The following ZNF804A variants were observed in gnomAD, a reference collection of about 807,000 sequenced individuals.
ZNF804A encodes the protein zinc finger protein 804A.
Under a neutral mutation model 16.5 loss-of-function variants are expected in ZNF804A, and 2 were observed. The ratio of observed to expected loss-of-function variants is 0.12; its 90% CI spans 0.05 to 0.38. The LOEUF is 0.38. ZNF804A is among the 10% of genes least tolerant of loss of function. The pLI is 0.99. For missense variants in ZNF804A, 1,473 were observed against 1,390.7 expected (o/e 1.06, Z -0.94); for synonymous variants, 534 against 489.6 (o/e 1.09, Z -1.20).
At chr2:184,689,557 A>G (rs909077156) in intron 1 of ZNF804A, among the ~76,000 whole-genome samples, 1 of 152,102 alleles carries the variant, frequency 6.6e-6, no homozygotes, top group Non-Finnish European at 1.5e-5. Context: ...TTAAGAAGAT[A>G]AGAATAATTT....
At chr2:184,649,580 A>G (rs1691946752) in intron 1 of ZNF804A, among the ~76,000 whole-genome samples, 2 of 152,074 alleles carry the variant, frequency 1.3e-5, no homozygotes, top group African/African-American at 4.8e-5. Flanking sequence ...AAAAAATGAC[A>G]AAGGTGACAT....
At position 184,937,634 on chromosome 2, in the gene ZNF804A, A is replaced by G. The variant is rs1177096872; in HGVS notation, c.2238A>G (p.Lys746=). The G allele has an allele frequency of 6.2e-7, 1 of 1,613,850 alleles. No homozygotes were observed. The highest frequency in any genetic ancestry group is 8.5e-7 in the Non-Finnish European group (1 of 1,179,974). ...GCTTAGTTCTTCAAAATGATATGAAACACATGAGTCAGAATCAGGCTGTTA... is the reference window on the plus strand; with the variant it reads ...GCTTAGTTCTTCAAAATGATATGAAGCACATGAGTCAGAATCAGGCTGTTA... ...HRSLVLQNDM[K]HMSQNQAVKR... is the part of the protein sequence containing the mutation. Residue 746 remains lysine (K), a synonymous_variant, in exon 4 of 4, where the codon AAA becomes AAG. Transcript: ENST00000302277.
chr2:184,743,220 C>A (rs1693735049), intron 1 of ZNF804A, among the ~76,000 whole-genome samples: 1 of 151,964 alleles, frequency 6.6e-6, no homozygotes, highest in African/African-American at 2.4e-5. Context: ...GCATCATTAT[C>A]CACCCCACTT....
chr2:184,813,968 T>C (rs932994596), intron 1 of ZNF804A, among the ~76,000 whole-genome samples: 5 of 150,912 alleles, frequency 3.3e-5, no homozygotes, highest in Non-Finnish European at 7.4e-5. Flanking sequence ...TACTATATAC[T>C]TTAGGGCATG....
At chr2:184,927,825 C>T (rs1161020612) in intron 2 of ZNF804A, among the ~76,000 whole-genome samples, 2 of 152,170 alleles carry the variant, frequency 1.3e-5, no homozygotes, top group Non-Finnish European at 2.9e-5. Flanking sequence ...AAAAGCTCTT[C>T]GTTCAGTTTG....
At chr2:184,912,261 G>C (rs1460632763) in intron 2 of ZNF804A, among the ~76,000 whole-genome samples, 1 of 151,944 alleles carries the variant, frequency 6.6e-6, no homozygotes, top group Non-Finnish European at 1.5e-5. Flanking sequence ...GACCTTTTGT[G>C]TCTGGCTTAT....
At chr2:184,843,973 GC>G (rs1417610410) in intron 1 of ZNF804A, among the ~76,000 whole-genome samples, 1 of 151,326 alleles carries the variant, frequency 6.6e-6, no homozygotes, top group African/African-American at 2.4e-5. Context: ...CATTTTTTCT[GC>G]CTTCTGTGGT....
At chr2:184,791,765 T>C (rs949897878) in intron 1 of ZNF804A, among the ~76,000 whole-genome samples, 4 of 152,226 alleles carry the variant, frequency 2.6e-5, no homozygotes, top group Non-Finnish European at 5.9e-5. Flanking sequence ...TTTTGACAAA[T>C]ATATTAATGA....
chr2:184,745,028 T>G (rs1480485), intron 1 of ZNF804A, among the ~76,000 whole-genome samples: 50,457 of 151,246 alleles, frequency 0.33, 11,678 homozygotes, highest in African/African-American at 0.66. Flanking sequence ...TATTCAGTGG[T>G]TAAAAGTGCC....
chr2:184,870,431 T>A (rs1355115868), intron 2 of ZNF804A, among the ~76,000 whole-genome samples: 1 of 152,044 alleles, frequency 6.6e-6, no homozygotes, highest in African/African-American at 2.4e-5. Flanking sequence ...TAATGCTTTA[T>A]ATGATTGCAT....
chr2:184,736,995 T>C (rs942771049), intron 1 of ZNF804A, among the ~76,000 whole-genome samples: 1 of 151,982 alleles, frequency 6.6e-6, no homozygotes, highest in African/African-American at 2.4e-5. Context: ...GAATAAGTTT[T>C]GTTGTAGATG....
intron 3 of ZNF804A, among the ~76,000 whole-genome samples, chr2:184,935,483 G>A (rs2105843335): frequency 6.6e-6 from 1 of 152,192 alleles, no homozygotes; most frequent in South Asian, 2.1e-4. Flanking sequence ...CACAGAAGAG[G>A]CCATGAAGGT....
At chr2:184,675,048 C>A (rs889365346) in intron 1 of ZNF804A, among the ~76,000 whole-genome samples, 29 of 151,638 alleles carry the variant, frequency 1.9e-4, no homozygotes, top group African/African-American at 7.0e-4. Flanking sequence ...GTGAACATGG[C>A]TGTACATGCA....
chr2:184,800,119 T>A (rs919940301), intron 1 of ZNF804A, among the ~76,000 whole-genome samples: 1 of 152,140 alleles, frequency 6.6e-6, no homozygotes, highest in Non-Finnish European at 1.5e-5. Flanking sequence ...ATGTGATTAC[T>A]AGTGATGACC....
At chr2:184,856,491 T>C (rs1042832346) in intron 1 of ZNF804A, among the ~76,000 whole-genome samples, 1 of 152,112 alleles carries the variant, frequency 6.6e-6, no homozygotes, top group African/African-American at 2.4e-5. Flanking sequence ...GTTGCTTAGT[T>C]ACCCTGAACA....
chr2:184,715,851 A>G (rs1277497613), intron 1 of ZNF804A, among the ~76,000 whole-genome samples: 1 of 152,176 alleles, frequency 6.6e-6, no homozygotes, highest in Non-Finnish European at 1.5e-5. Flanking sequence ...ATATGTTTAC[A>G]TTGTTAGTTT....
At chr2:184,782,999 T>A (rs1374183884) in intron 1 of ZNF804A, among the ~76,000 whole-genome samples, 1 of 150,896 alleles carries the variant, frequency 6.6e-6, no homozygotes, top group Non-Finnish European at 1.5e-5. Context: ...TTTATCTCTA[T>A]TTTTTGTTCA....
chr2:184,897,721 A>C (rs1685110836), intron 2 of ZNF804A, among the ~76,000 whole-genome samples: 1 of 152,056 alleles, frequency 6.6e-6, no homozygotes, highest in Non-Finnish European at 1.5e-5. Context: ...TTCTTGCTCA[A>C]ATTATTCCAG....
intron 1 of ZNF804A, among the ~76,000 whole-genome samples, chr2:184,802,412 G>A (rs1025054392): frequency 2.0e-5 from 3 of 152,294 alleles, no homozygotes; most frequent in South Asian, 4.1e-4. Context: ...ATATCGTTGT[G>A]TCCTTTAAGG....
Sources: gnomAD v4.1 joint callset for allele counts (sites outside exome capture counted in the v4.1 genomes callset) on GRCh38, gnomAD v4.1.1 for gene constraint, MANE v1.5 for transcripts, NCBI Gene and HGNC (gene_info 2026-07-23, HGNC 2026-07-21) for gene names.